The following ANKDD1B variants were observed in gnomAD, a reference collection of about 807,000 sequenced individuals.
ANKDD1B encodes the protein ankyrin repeat and death domain-containing protein 1B.
Under a neutral mutation model 59.7 loss-of-function variants are expected in ANKDD1B, and 57 were observed. That is an observed-to-expected ratio of 0.95 (90% CI 0.77 to 1.19). ANKDD1B has a LOEUF of 1.19. ANKDD1B is among the 50% of genes most tolerant of loss of function. The probability of loss-of-function intolerance (pLI) is 0.00; values close to 1 mark genes in which losing one functional copy is unlikely to be tolerated. For missense variants in ANKDD1B, 602 were observed against 641.9 expected, an observed-to-expected ratio of 0.94 and a Z score of 0.67; for synonymous variants, 216 against 239.5, an observed-to-expected ratio of 0.90 and a Z score of 0.91.
chr5:75,635,528 TGCTAGCAATTGGTA>T (rs1329768143), intron 6 of ANKDD1B: 3 of 321,494 alleles, frequency 9.3e-6, no homozygotes, highest in African/African-American at 4.3e-5. Context: ...CTCCATGTTT[TGCTAGCAATTGGTA>T]GCAAAGTTAG....
intron 3 of ANKDD1B, 116 bp from the exon 4 acceptor site, chr5:75,625,530 AT>A: frequency 1.3e-6 from 1 of 750,388 alleles, no homozygotes; most frequent in Non-Finnish European, 2.1e-6. Flanking sequence ...TGCATATTAA[AT>A]TCTCTATTTC....
At chr5:75,642,073 T>A (rs978012459) in intron 7 of ANKDD1B, among the ~76,000 whole-genome samples, 2 of 152,056 alleles carry the variant, frequency 1.3e-5, no homozygotes, top group Admixed American at 1.3e-4. Flanking sequence ...GAACACTAAT[T>A]GAAAAAATAT....
chr5:75,660,499 G>A (rs779378682), intron 10 of ANKDD1B, among the ~76,000 whole-genome samples: 5 of 152,250 alleles, frequency 3.3e-5, no homozygotes, highest in Non-Finnish European at 7.4e-5. Context: ...TTCATCCATC[G>A]ATGGACATTT....
At chr5:75,629,815 G>C (rs982209013) in intron 5 of ANKDD1B, among the ~76,000 whole-genome samples, 1 of 152,110 alleles carries the variant, frequency 6.6e-6, no homozygotes, top group African/African-American at 2.4e-5. Context: ...GTGCGCACCT[G>C]TGGCCCCAGC....
At chr5:75,660,794 G>C (rs971114869) in intron 10 of ANKDD1B, among the ~76,000 whole-genome samples, 2 of 152,186 alleles carry the variant, frequency 1.3e-5, no homozygotes, top group Non-Finnish European at 2.9e-5. Context: ...TGGGTCACAC[G>C]CATAGTAAGA....
In ANKDD1B at chr5:75,625,955, G is replaced by C. The variant is rs1271167699; in HGVS notation, c.600G>C (p.Glu200Asp). 2 of 1,533,524 alleles carry C rather than the reference G, an allele frequency of 1.3e-6. No homozygotes were observed. Among genetic ancestry groups the C allele is most frequent in the Non-Finnish European group, 1.7e-6 (2 of 1,144,572 alleles). The allele number at this position is 1,533,524 out of a possible 1,614,324, so 95.0% of individuals were successfully genotyped here. A position where few individuals can be genotyped will look rare whatever the true frequency, so the allele number is the denominator to read the frequency against. Residue 200 changes from glutamate (E) to aspartate (D), a missense_variant and splice_region_variant, in exon 5 of 14, where the codon GAG becomes GAC. This residue lies in a region of ANKDD1B where 317 missense variants were observed against 304.6 expected (regional missense o/e 1.04). Coordinates refer to ENST00000601380, the MANE Select transcript of ANKDD1B (RefSeq NM_001276713.2). ...LHLKDLNQPD[E>D]KGRKPFLLAA... The stretch of plus-strand genomic sequence containing the variant: ...TCAAGGACCTGAACCAGCCTGATGA[G>C]GTGTGTTCACTTTGGTTGTGTAGGT...
chr5:75,633,720 A>G (rs188938963), intron 5 of ANKDD1B, among the ~76,000 whole-genome samples: 20 of 152,198 alleles, frequency 1.3e-4, no homozygotes, highest in Admixed American at 3.9e-4. Context: ...TGGATCTGTT[A>G]TAGTTTGGCT....
chr5:75,646,831 C>T (rs1348818035), intron 7 of ANKDD1B, among the ~76,000 whole-genome samples: 4 of 112,674 alleles, frequency 3.6e-5, no homozygotes, highest in Non-Finnish European at 6.3e-5. Flanking sequence ...GGAGGCATCA[C>T]ACTACCTGAC....
chr5:75,654,190 G>A (rs114569719), intron 8 of ANKDD1B, among the ~76,000 whole-genome samples: 4,226 of 152,070 alleles, frequency 0.028, 184 homozygotes, highest in African/African-American at 0.096. Flanking sequence ...CTGTCCCCTC[G>A]TCTCCCCTCC....
At position 75,653,280 on chromosome 5, in the gene ANKDD1B, C is replaced by T. The variant is rs375317054; in HGVS notation, c.897+40C>T. ...ATGACACGGGCTTTGGTCCTGGCGC[C>T]GTGAGGTTGGCTGTGTCAGGGAGAT... On this transcript the variant is annotated intron_variant, in intron 8 of 13. Transcript: ENST00000601380. 180 of 1,453,256 alleles carry T rather than the reference C, an allele frequency of 1.2e-4. No individual in the cohort carries two copies. The African/African-American group carries it at 1.7e-3, about 14-fold the overall frequency. The allele number at this position is 1,453,256 out of a possible 1,614,324, so 90.0% of individuals were successfully genotyped here.
chr5:75,627,937 T>C (rs1020942669), intron 5 of ANKDD1B, among the ~76,000 whole-genome samples: 4 of 152,168 alleles, frequency 2.6e-5, no homozygotes, highest in Admixed American at 6.5e-5. Context: ...CTTCCTCCTC[T>C]ATCTGTTGGG....
intron 5 of ANKDD1B, among the ~76,000 whole-genome samples, chr5:75,629,579 TAAAC>T (rs1257823385): frequency 6.6e-6 from 1 of 151,526 alleles, no homozygotes; most frequent in Non-Finnish European, 1.5e-5. Context: ...TAATTTATAA[TAAAC>T]AATCCCAATC....
intron 5 of ANKDD1B, chr5:75,634,619 T>C (rs1044925022): frequency 7.0e-6 from 2 of 284,972 alleles, no homozygotes; most frequent in East Asian, 5.8e-5. Context: ...GTCATCTGAC[T>C]GTGATGTTGC....
intron 1 of ANKDD1B, among the ~76,000 whole-genome samples, chr5:75,615,132 G>C (rs1202559817): frequency 1.3e-5 from 2 of 152,328 alleles, no homozygotes; most frequent in Non-Finnish European, 1.5e-5. Flanking sequence ...GGCTAGAACT[G>C]TGGACTGGAG....
Position 75,611,710 on chromosome 5 carries a change from A to G in ANKDD1B, c.76A>G (p.Lys26Glu), listed in dbSNP as rs1581123793. 6.5e-6 allele frequency: 8 copies of G among 1,231,724 alleles called. No homozygotes were observed. Among genetic ancestry groups the G allele is most frequent in the African/African-American group, 1.6e-5 (1 of 64,402 alleles). 76.3% of individuals were successfully genotyped at this position (1,231,724 alleles called of 1,614,324 possible). The change falls in exon 1 of 14, where the codon AAG becomes GAG. Residue 26 changes from lysine to glutamate, a missense_variant. This residue lies in a region of ANKDD1B where 317 missense variants were observed against 304.6 expected (regional missense o/e 1.04). Transcript: ENST00000601380. The stretch of plus-strand genomic sequence containing the variant: ...GCTGCTCCGGGCTGCTGCGGCCGCC[A>G]AGGGTCTCAGGGAAGACCTGTGGGG... ...GLLLRAAAAA[K>E]GLREDLWGAA...
chr5:75,657,703 T>A (rs1485830495), intron 9 of ANKDD1B, among the ~76,000 whole-genome samples: 1 of 151,978 alleles, frequency 6.6e-6, no homozygotes, highest in Non-Finnish European at 1.5e-5. Flanking sequence ...GGTCAGGAGT[T>A]TGAGACAAGC....
At chr5:75,667,142 T>C in intron 12 of ANKDD1B, 149 bp downstream of exon 12, 1 of 512,708 alleles carries the variant, frequency 2.0e-6, no homozygotes, top group South Asian at 4.6e-5. Flanking sequence ...TTAGCTTAGG[T>C]CCACACCAGT....
Position 75,625,943 on chromosome 5 carries a change from C to T in ANKDD1B, c.588C>T (p.Asn196=). 2.6e-6 allele frequency: 4 copies of T among 1,535,294 alleles called. No homozygotes were observed. Among genetic ancestry groups the T allele is most frequent in the Non-Finnish European group, 3.5e-6 (4 of 1,146,134 alleles). Residue 196 remains asparagine, a synonymous_variant, in exon 5 of 14, where the codon AAC becomes AAT. Transcript: ENST00000601380. ...LIQDLHLKDL[N]QPDEKGRKPF... The stretch of plus-strand genomic sequence containing the variant: ...AAGATCTGCACCTCAAGGACCTGAA[C>T]CAGCCTGATGAGGTGTGTTCACTTT...
intron 7 of ANKDD1B, 87 bp from the exon 8 acceptor site, chr5:75,653,055 A>C (rs1023382307): frequency 1.0e-5 from 9 of 886,404 alleles, no homozygotes; most frequent in Non-Finnish European, 1.6e-5. Flanking sequence ...ATTTCATTGT[A>C]TTAACTGATT....
Sources: gnomAD v4.1 joint callset for allele counts (sites outside exome capture counted in the v4.1 genomes callset) on GRCh38, gnomAD v4.1.1 for gene constraint, gnomAD v4.1.1 regional missense constraint, MANE v1.5 for transcripts, NCBI Gene and HGNC (gene_info 2026-07-23, HGNC 2026-07-21) for gene names.